The following CEMIP variants were observed in gnomAD, a reference collection of about 807,000 sequenced individuals.
The protein encoded by CEMIP is cell migration inducing hyaluronidase 1, also known as cell migration-inducing and hyaluronan-binding protein.
In CEMIP, 105 loss-of-function variants were observed where a neutral mutation model predicts 156.9. The ratio of observed to expected loss-of-function variants is 0.67; its 90% CI spans 0.57 to 0.79. CEMIP has a LOEUF of 0.79. Ranked by LOEUF, CEMIP falls within the 30% of genes least tolerant of loss-of-function variation. CEMIP has a pLI of 0.00. For synonymous variants in CEMIP, 676 were observed against 668.4 expected (o/e 1.01, Z -0.17); for missense variants, 1,457 against 1,769.4 (o/e 0.82, Z 3.17).
chr15:80,791,453 G>A (rs1384124287), intron 1 of CEMIP, among the ~76,000 whole-genome samples: 7 of 152,162 alleles, frequency 4.6e-5, no homozygotes, highest in Admixed American at 4.6e-4. Context: ...GTGAATTGTT[G>A]GTACCAGGGT....
chr15:80,910,569 T>C (rs115216035), intron 14 of CEMIP, among the ~76,000 whole-genome samples: 2,298 of 152,352 alleles, frequency 0.015, 52 homozygotes, highest in African/African-American at 0.051. Flanking sequence ...TTCTGTGTTT[T>C]AAATGCTCTG....
chr15:80,888,475 A>G (rs1898925317), intron 8 of CEMIP, among the ~76,000 whole-genome samples: 1 of 152,168 alleles, frequency 6.6e-6, no homozygotes, highest in South Asian at 2.1e-4. Context: ...TGCAATCTGA[A>G]TTTGTTGGGA....
intron 1 of CEMIP, among the ~76,000 whole-genome samples, chr15:80,839,367 A>G (rs1897339202): frequency 6.7e-6 from 1 of 148,414 alleles, no homozygotes; most frequent in Non-Finnish European, 1.5e-5. Context: ...AGACTTAAGA[A>G]TGAATGAAAG....
In CEMIP at chr15:80,798,396, T is replaced by G. The variant is rs73497024; in HGVS notation, c.-176+18782T>G. Among the ~76,000 whole-genome samples the G allele has an allele frequency of 3.9e-3, 600 of 152,218 alleles. 3 individuals carry two copies. The highest frequency in any genetic ancestry group is 0.014 in the African/African-American group (574 of 41,568). On this transcript the variant is annotated intron_variant, in intron 1 of 29. Coordinates refer to ENST00000394685, the MANE Select transcript of CEMIP (RefSeq NM_001293298.2). ...ACATTTAAAATGACCGTTTTATATG[T>G]TTTTTCCCAAGTTTTGCTGATTTCC...
intron 1 of CEMIP, among the ~76,000 whole-genome samples, chr15:80,832,007 T>TTGTCA (rs1897167464): frequency 1.3e-5 from 2 of 152,044 alleles, no homozygotes; most frequent in South Asian, 2.1e-4. Context: ...TTTCCCATCT[T>TTGTCA]TTGTCATTCA....
intron 5 of CEMIP, among the ~76,000 whole-genome samples, 200 bp downstream of exon 5, chr15:80,880,054 C>G (rs1421538646): frequency 6.6e-6 from 1 of 152,190 alleles, no homozygotes; most frequent in Non-Finnish European, 1.5e-5. Flanking sequence ...TTTATAGTGG[C>G]CTGGATGCTG....
chr15:80,876,023 A>C (rs1181312900), intron 3 of CEMIP, among the ~76,000 whole-genome samples: 1 of 152,244 alleles, frequency 6.6e-6, no homozygotes, highest in Non-Finnish European at 1.5e-5. Context: ...AGTGAAAAGA[A>C]CAGTCAGGAT....
chr15:80,792,178 A>T (rs896284501), intron 1 of CEMIP, among the ~76,000 whole-genome samples: 2 of 152,244 alleles, frequency 1.3e-5, no homozygotes, highest in Non-Finnish European at 2.9e-5. Flanking sequence ...TTCAACAGAA[A>T]CACATTAAAT....
At chr15:80,933,861 A>G (rs1244221892) in intron 23 of CEMIP, among the ~76,000 whole-genome samples, 1 of 152,260 alleles carries the variant, frequency 6.6e-6, no homozygotes, top group Non-Finnish European at 1.5e-5. Context: ...AGCCTTATCC[A>G]ATAGAAATAT....
chr15:80,878,485 A>G (rs1162200032), intron 3 of CEMIP, among the ~76,000 whole-genome samples: 1 of 152,214 alleles, frequency 6.6e-6, no homozygotes, highest in African/African-American at 2.4e-5. Context: ...GAACCCAGAA[A>G]AGGGAAGTGA....
At chr15:80,895,248 C>G in intron 11 of CEMIP, 126 bp downstream of exon 11, 2 of 1,280,934 alleles carry the variant, frequency 1.6e-6, no homozygotes, top group South Asian at 1.2e-5. Flanking sequence ...TTTTGTGACA[C>G]GGGAGCAGTG....
At position 80,922,029 on chromosome 15, in the gene CEMIP, T is replaced by C; in HGVS notation, c.2094T>C (p.Ile698=). 6.2e-7 allele frequency: 1 copy of C among 1,614,244 alleles called. No homozygotes were observed. The highest frequency in any genetic ancestry group is 8.5e-7 in the Non-Finnish European group (1 of 1,180,040). Residue 698 remains isoleucine (I), a synonymous_variant, in exon 17 of 30, where the codon ATT becomes ATC. Coordinates refer to ENST00000394685, the MANE Select transcript of CEMIP (RefSeq NM_001293298.2). The stretch of plus-strand genomic sequence containing the variant: ...AACAGGAAACTGGATTTTGGTTTAT[T>C]TTTCACCACGTACCAACGGGCCCCT... ...AGSEETGFWF[I]FHHVPTGPSV... is the part of the protein sequence containing the mutation.
At position 80,934,775 on chromosome 15, in the gene CEMIP, G is replaced by A. The variant is rs1901053269; in HGVS notation, c.3009+1315G>A. Reference sequence around the variant, plus strand: ...TGGTGGGGGTCAGGTGCCAGAGTAGGTGGCAGGGCTAGCATTTAGCAGGAA... The same window carrying A: ...TGGTGGGGGTCAGGTGCCAGAGTAGATGGCAGGGCTAGCATTTAGCAGGAA... On this transcript the variant is annotated intron_variant, in intron 23 of 29. Coordinates refer to ENST00000394685, the MANE Select transcript of CEMIP (RefSeq NM_001293298.2). 3.9e-5 allele frequency among the ~76,000 whole-genome samples: 6 copies of A among 152,170 alleles called. No individual in the cohort carries two copies. In the South Asian group the frequency reaches 1.2e-3, roughly 31 times the overall value.
At chr15:80,813,967 G>T (rs184791617) in intron 1 of CEMIP, among the ~76,000 whole-genome samples, 223 of 149,826 alleles carry the variant, frequency 1.5e-3, no homozygotes, top group Non-Finnish European at 2.8e-3. Context: ...CTCCATACCT[G>T]TAGCAGCAAA....
At chr15:80,812,441 T>C (rs1896693810) in intron 1 of CEMIP, among the ~76,000 whole-genome samples, 1 of 152,168 alleles carries the variant, frequency 6.6e-6, no homozygotes, top group Non-Finnish European at 1.5e-5. Flanking sequence ...AAATCCTAGC[T>C]CCACCGTTAG....
intron 1 of CEMIP, among the ~76,000 whole-genome samples, chr15:80,847,140 C>G (rs1035589670): frequency 6.6e-6 from 1 of 152,152 alleles, no homozygotes; most frequent in South Asian, 2.1e-4. Context: ...CCTTGACCTC[C>G]CCAGCTCAAG....
chr15:80,947,051 G>T lies in CEMIP; in HGVS notation c.3944G>T (p.Gly1315Val). Reference protein sequence around the residue: ...RVLEKLGADRGLKLKEQMAFV... With the variant: ...RVLEKLGADRVLKLKEQMAFV... ...CTGGAAAAGCTTGGGGCAGACAGGG[G>T]TCTCAAGTTGAAAGGTAAGGGTTTG... The change falls in exon 29 of 30, where the codon GGT becomes GTT. Residue 1315 changes from glycine (G) to valine (V), a missense_variant. Around this residue, in one of 5 missense-constraint regions of CEMIP, gnomAD observed 798 missense variants for 980.1 expected, o/e 0.81. Coordinates refer to ENST00000394685, the MANE Select transcript of CEMIP (RefSeq NM_001293298.2). 1.2e-6 allele frequency: 2 copies of T among 1,612,866 alleles called. No individual in the cohort carries two copies. The highest frequency in any genetic ancestry group is 1.1e-5 in the South Asian group (1 of 91,028).
intron 12 of CEMIP, chr15:80,897,468 G>A: frequency 2.5e-6 from 1 of 397,826 alleles, no homozygotes; most frequent in East Asian, 7.2e-5. Context: ...CAGCTGTGAT[G>A]TCAGGGTGCC....
At chr15:80,914,456 T>C (rs1196725127) in intron 14 of CEMIP, among the ~76,000 whole-genome samples, 1 of 152,214 alleles carries the variant, frequency 6.6e-6, no homozygotes, top group Non-Finnish European at 1.5e-5. Context: ...CATGTGGCCC[T>C]GCAGGTTGTG....
Sources: gnomAD v4.1 joint callset for allele counts (sites outside exome capture counted in the v4.1 genomes callset) on GRCh38, gnomAD v4.1.1 for gene constraint, gnomAD v4.1.1 regional missense constraint, MANE v1.5 for transcripts, NCBI Gene and HGNC (gene_info 2026-07-23, HGNC 2026-07-21) for gene names.